NALF1: variants seen among roughly 807,000 people sequenced by gnomAD.
NALF1 encodes family with sequence similarity 155 member A.
A neutral mutation model predicts 48.4 loss-of-function variants in NALF1; 3 were observed. The ratio of observed to expected loss-of-function variants is 0.06; its 90% CI spans 0.03 to 0.16. NALF1 has a LOEUF of 0.16. Ranked by LOEUF, NALF1 falls within the 10% of genes least tolerant of loss-of-function variation. The probability of loss-of-function intolerance (pLI) is 1.00; values close to 1 mark genes in which losing one functional copy is unlikely to be tolerated. For missense variants in NALF1, 526 were observed against 571.5 expected, an observed-to-expected ratio of 0.92 and a Z score of 0.81; for synonymous variants, 262 against 245.7, an observed-to-expected ratio of 1.07 and a Z score of -0.62.
intron 1 of NALF1, among the ~76,000 whole-genome samples, chr13:107,519,053 G>T (rs559216406): frequency 6.6e-6 from 1 of 152,112 alleles, no homozygotes; most frequent in East Asian, 1.9e-4. Context: ...GGGAACTTGC[G>T]CAAGGGCATA....
At chr13:107,513,123 G>A (rs1875950432) in intron 1 of NALF1, among the ~76,000 whole-genome samples, 1 of 152,114 alleles carries the variant, frequency 6.6e-6, no homozygotes, top group African/African-American at 2.4e-5. Flanking sequence ...ACTGCATAAG[G>A]ATTCGAAAAT....
At chr13:107,398,187 CA>C (rs1883743974) in intron 1 of NALF1, among the ~76,000 whole-genome samples, 1 of 152,096 alleles carries the variant, frequency 6.6e-6, no homozygotes, top group South Asian at 2.1e-4. Context: ...TTGCTCCTTG[CA>C]AAACGATCAT....
chr13:107,673,200 T>C (rs1881032226), intron 1 of NALF1, among the ~76,000 whole-genome samples: 1 of 152,190 alleles, frequency 6.6e-6, no homozygotes, highest in South Asian at 2.1e-4. Context: ...TCCCCTTCTC[T>C]TTCCTCCTGT....
rs549282656 is a variant in NALF1, at chr13:107,435,806, G to A, written c.916-225051C>T. On this transcript the variant is annotated intron_variant, in intron 1 of 2. Transcript: ENST00000375915. ...GAAGGAAAGCGGCGGGGGAGGGGGG[G>A]AAGATACTGCATAAACAGAACAACC... Among the ~76,000 whole-genome samples the A allele has an allele frequency of 2.2e-4, 34 of 151,324 alleles. 1 individual carries two copies. In the South Asian group the frequency reaches 5.5e-3, roughly 24 times the overall value.
At chr13:107,376,813 T>G (rs891661068) in intron 1 of NALF1, among the ~76,000 whole-genome samples, 1 of 152,190 alleles carries the variant, frequency 6.6e-6, no homozygotes, top group Non-Finnish European at 1.5e-5. Context: ...CTTATATGTT[T>G]TAGACAAAAA....
chr13:107,659,884 A>G (rs1880682878), intron 1 of NALF1, among the ~76,000 whole-genome samples: 1 of 151,094 alleles, frequency 6.6e-6, no homozygotes, highest in Non-Finnish European at 1.5e-5. Flanking sequence ...AATCTCAGCC[A>G]CCACACCCAG....
chr13:107,289,392 T>C (rs1214456097), intron 1 of NALF1, among the ~76,000 whole-genome samples: 1 of 152,352 alleles, frequency 6.6e-6, no homozygotes, highest in East Asian at 1.9e-4. Context: ...TGGCACAAAA[T>C]AGATGCTCAA....
At chr13:107,302,241 G>T (rs1278658188) in intron 1 of NALF1, among the ~76,000 whole-genome samples, 1 of 152,194 alleles carries the variant, frequency 6.6e-6, no homozygotes, top group East Asian at 1.9e-4. Flanking sequence ...ACCAGACGCA[G>T]TCCCTGAACC....
intron 1 of NALF1, among the ~76,000 whole-genome samples, chr13:107,556,376 G>T: frequency 6.7e-6 from 1 of 150,202 alleles, no homozygotes; most frequent in African/African-American, 2.5e-5. Flanking sequence ...GAGAGTCTTA[G>T]AAAATAATAT....
At chr13:107,773,854 T>A (rs1410945179) in intron 1 of NALF1, among the ~76,000 whole-genome samples, 1 of 152,014 alleles carries the variant, frequency 6.6e-6, no homozygotes, top group African/African-American at 2.4e-5. Flanking sequence ...ATTGCGCACA[T>A]GTACCTTAAA....
intron 1 of NALF1, among the ~76,000 whole-genome samples, chr13:107,840,849 C>T (rs1227117579): frequency 2.6e-5 from 4 of 152,086 alleles, no homozygotes; most frequent in Non-Finnish European, 5.9e-5. Flanking sequence ...TCTGTCTACC[C>T]AGACTGCCCT....
intron 1 of NALF1, among the ~76,000 whole-genome samples, chr13:107,832,286 T>TCC: frequency 6.6e-6 from 1 of 151,862 alleles, no homozygotes; most frequent in African/African-American, 2.4e-5. Context: ...GTAAAAAAGA[T>TCC]ATTATATATC....
At chr13:107,524,111 G>C (rs1203225913) in intron 1 of NALF1, among the ~76,000 whole-genome samples, 1 of 151,986 alleles carries the variant, frequency 6.6e-6, no homozygotes, top group Admixed American at 6.6e-5. Context: ...GCTATTATGG[G>C]GTCAAAGGGC....
At chr13:107,769,963 A>T (rs2138569062) in intron 1 of NALF1, among the ~76,000 whole-genome samples, 1 of 152,270 alleles carries the variant, frequency 6.6e-6, no homozygotes, top group East Asian at 1.9e-4. Flanking sequence ...CCCAGGCTAG[A>T]GTGCAGTGGC....
intron 1 of NALF1, among the ~76,000 whole-genome samples, chr13:107,409,299 G>A (rs189746403): frequency 6.6e-6 from 1 of 152,284 alleles, no homozygotes; most frequent in African/African-American, 2.4e-5. Context: ...GAACCAAACA[G>A]AACTGAACCC....
intron 1 of NALF1, among the ~76,000 whole-genome samples, chr13:107,803,850 G>A (rs1392720460): frequency 2.6e-5 from 4 of 151,498 alleles, no homozygotes; most frequent in Non-Finnish European, 4.4e-5. Flanking sequence ...CCTTGCCCAA[G>A]GACACACAGG....
In NALF1 at chr13:107,584,765, TG is replaced by T. The variant is rs1472388275; in HGVS notation, c.915+280916del. Among the ~76,000 whole-genome samples the T allele has an allele frequency of 4.6e-5, 7 of 152,310 alleles. No homozygotes were observed. The East Asian group carries it at 1.4e-3, about 29-fold the overall frequency. On this transcript the variant is annotated intron_variant, in intron 1 of 2. Transcript: ENST00000375915. Reference sequence around the variant, plus strand: ...ACTCACTTGGGAGGTCCCTGTGCCATGCCTCACTCCACGTGAAGCCCACAGG... The same window carrying T: ...ACTCACTTGGGAGGTCCCTGTGCCATCCTCACTCCACGTGAAGCCCACAGG...
In NALF1 at chr13:107,865,662, A is replaced by G; in HGVS notation, c.915+20T>C. On this transcript the variant is annotated intron_variant, in intron 1 of 2. Coordinates refer to ENST00000375915, the MANE Select transcript of NALF1 (RefSeq NM_001080396.3). ...AGATAGGAAAGTGCAGGAAAGGGGGAAACCCCCGAGGGTTCCTACCTTACA... is the reference window on the plus strand; with the variant it reads ...AGATAGGAAAGTGCAGGAAAGGGGGGAACCCCCGAGGGTTCCTACCTTACA... The G allele has an allele frequency of 1.2e-6, 2 of 1,604,048 alleles. No homozygotes were observed. Among genetic ancestry groups the G allele is most frequent in the South Asian group, 2.2e-5 (2 of 90,308 alleles).
chr13:107,368,078 C>T (rs61967186), intron 1 of NALF1, among the ~76,000 whole-genome samples: 96,188 of 151,952 alleles, frequency 0.63, 30,562 homozygotes, highest in Non-Finnish European at 0.67. Context: ...AGGTACATTC[C>T]TAAACAGTCA....
Sources: allele counts gnomAD v4.1 joint callset (sites outside exome capture counted in the v4.1 genomes callset), GRCh38; gene constraint gnomAD v4.1.1; transcripts MANE v1.5; gene names NCBI Gene and HGNC (gene_info 2026-07-23, HGNC 2026-07-21).